FBXL17: variants seen among roughly 807,000 people sequenced by gnomAD.
FBXL17 encodes F-box and leucine rich repeat protein 17.
Under a neutral mutation model 66.2 loss-of-function variants are expected in FBXL17, and 22 were observed. The observed-to-expected ratio is 0.33, with a 90% CI of 0.24 to 0.47. The LOEUF (loss-of-function observed/expected upper bound fraction) is 0.47. Among genes scored for constraint, FBXL17 ranks in the 20% least tolerant of loss-of-function variants. The pLI is 1.00. For synonymous variants in FBXL17, 474 were observed against 400.5 expected (o/e 1.18, Z -2.19); for missense variants, 878 against 948.2 (o/e 0.93, Z 0.97).
At chr5:108,081,537 C>A (rs1290822167) in intron 6 of FBXL17, among the ~76,000 whole-genome samples, 1 of 151,832 alleles carries the variant, frequency 6.6e-6, no homozygotes, top group Admixed American at 6.6e-5. Flanking sequence ...CTGGCTAACA[C>A]GGTGAAACCC....
At chr5:108,043,496 A>G (rs561039757) in intron 6 of FBXL17, among the ~76,000 whole-genome samples, 1 of 152,222 alleles carries the variant, frequency 6.6e-6, no homozygotes, top group South Asian at 2.1e-4. Flanking sequence ...TCTTTTCTTC[A>G]TTGAATTGCA....
intron 7 of FBXL17, among the ~76,000 whole-genome samples, chr5:107,957,235 T>C (rs1751697927): frequency 1.3e-5 from 2 of 152,124 alleles, no homozygotes; most frequent in African/African-American, 4.8e-5. Flanking sequence ...GTGAGGATAA[T>C]AGGGACAGAG....
intron 6 of FBXL17, among the ~76,000 whole-genome samples, chr5:108,064,769 C>CT (rs1305168170): frequency 6.6e-6 from 1 of 152,144 alleles, no homozygotes; most frequent in Non-Finnish European, 1.5e-5. Flanking sequence ...AGAGTTAGAA[C>CT]TAAAGGGCTT....
chr5:107,870,895 G>A (rs1411174055), intron 8 of FBXL17, among the ~76,000 whole-genome samples: 1 of 151,854 alleles, frequency 6.6e-6, no homozygotes, highest in Non-Finnish European at 1.5e-5. Flanking sequence ...AAGAAGAAAA[G>A]TTGACTATGT....
intron 6 of FBXL17, among the ~76,000 whole-genome samples, chr5:108,178,173 T>C (rs909856489): frequency 4.6e-5 from 7 of 151,956 alleles, no homozygotes; most frequent in Non-Finnish European, 8.8e-5. Context: ...GCCTCCTCAG[T>C]AGCTGGGTCA....
intron 7 of FBXL17, among the ~76,000 whole-genome samples, chr5:108,006,603 A>C (rs540472187): frequency 1.1e-4 from 17 of 152,246 alleles, no homozygotes; most frequent in Non-Finnish European, 2.1e-4. Context: ...TAGCCAGTGC[A>C]GGGATATGAT....
At chr5:108,364,443 C>G (rs1748535234) in intron 3 of FBXL17, among the ~76,000 whole-genome samples, 1 of 151,916 alleles carries the variant, frequency 6.6e-6, no homozygotes, top group South Asian at 2.1e-4. Flanking sequence ...CTGACCAAAA[C>G]TACGCAGTTG....
rs908542204 is a variant in FBXL17 at position 108,321,523 on chromosome 5, A to G, written c.1506+26876T>C. 2.0e-5 allele frequency among the ~76,000 whole-genome samples: 3 copies of G among 151,930 alleles called. No individual in the cohort carries two copies. In the East Asian group the frequency reaches 5.8e-4, roughly 29 times the overall value. On this transcript the variant is annotated intron_variant, in intron 4 of 8. Transcript: ENST00000542267. Reference sequence around the variant, plus strand: ...GGCATAGAATGCTATTCTCTTAAAGAATCTGCACACTATTGTCCTGAACAT... The same window carrying G: ...GGCATAGAATGCTATTCTCTTAAAGGATCTGCACACTATTGTCCTGAACAT...
At chr5:108,222,320 T>C (rs1754900452) in intron 5 of FBXL17, among the ~76,000 whole-genome samples, 1 of 152,172 alleles carries the variant, frequency 6.6e-6, no homozygotes, top group African/African-American at 2.4e-5. Context: ...GCACAATCTG[T>C]TCAACCAAAG....
Position 107,943,033 on chromosome 5 carries a change from C to T in FBXL17, c.1823-61854G>A, listed in dbSNP as rs184957037. On this transcript the variant is annotated intron_variant, in intron 7 of 8. Coordinates refer to ENST00000542267, the MANE Select transcript of FBXL17 (RefSeq NM_001163315.3). ...GTTCATCCCTCCTTTGTGGAATGCT[C>T]CTTGCCCTGCCTCTCTGGGTATTTG... Among the ~76,000 whole-genome samples the T allele has an allele frequency of 2.4e-3, 372 of 152,276 alleles. 1 individual carries two copies. Among genetic ancestry groups the T allele is most frequent in the Admixed American group, 5.8e-3 (89 of 15,292 alleles).
intron 7 of FBXL17, among the ~76,000 whole-genome samples, chr5:107,911,307 A>C (rs958015649): frequency 6.6e-6 from 1 of 152,140 alleles, no homozygotes; most frequent in Admixed American, 6.6e-5. Context: ...ATGTAGAGAA[A>C]ATTCATGTTT....
At chr5:108,128,664 C>T (rs1023804591) in intron 6 of FBXL17, among the ~76,000 whole-genome samples, 3 of 151,970 alleles carry the variant, frequency 2.0e-5, no homozygotes, top group South Asian at 2.1e-4. Context: ...CAAGAGTCTA[C>T]AAAACACAGT....
In FBXL17 at chr5:107,957,435, T is replaced by A. The variant is rs562896721; in HGVS notation, c.1822+63490A>T. Reference sequence around the variant, plus strand: ...GGTCTAATTATAAAAAAAAAATCACTCACAAGAAGAGAAGCTTTAATTCTT... The same window carrying A: ...GGTCTAATTATAAAAAAAAAATCACACACAAGAAGAGAAGCTTTAATTCTT... On this transcript the variant is annotated intron_variant, in intron 7 of 8. Transcript: ENST00000542267. Among the ~76,000 whole-genome samples the A allele has an allele frequency of 1.9e-4, 29 of 152,174 alleles. No individual in the cohort carries two copies. In the East Asian group the frequency reaches 5.6e-3, roughly 29 times the overall value.
intron 4 of FBXL17, among the ~76,000 whole-genome samples, chr5:108,345,876 T>C (rs1747246035): frequency 6.6e-6 from 1 of 152,150 alleles, no homozygotes; most frequent in African/African-American, 2.4e-5. Context: ...ATGATTATTT[T>C]TAGACTCTGC....
intron 7 of FBXL17, among the ~76,000 whole-genome samples, chr5:107,894,032 A>C (rs575432305): frequency 2.0e-4 from 31 of 152,302 alleles, no homozygotes; most frequent in South Asian, 8.3e-4. Flanking sequence ...TAAAAAGAGT[A>C]TGTGTGTGGA....
intron 4 of FBXL17, among the ~76,000 whole-genome samples, chr5:108,288,344 G>C (rs1274301179): frequency 6.6e-6 from 1 of 150,822 alleles, no homozygotes; most frequent in Non-Finnish European, 1.5e-5. Flanking sequence ...ATATGACACA[G>C]AGACATGAAA....
At chr5:108,302,231 A>G (rs1351152721) in intron 4 of FBXL17, among the ~76,000 whole-genome samples, 3 of 151,860 alleles carry the variant, frequency 2.0e-5, no homozygotes, top group Non-Finnish European at 4.4e-5. Context: ...AAGTAAATAT[A>G]AAGTCATCAC....
chr5:108,222,648 C>T (rs962805734), intron 5 of FBXL17, among the ~76,000 whole-genome samples: 2 of 147,400 alleles, frequency 1.4e-5, no homozygotes, highest in Non-Finnish European at 3.0e-5. Flanking sequence ...TACTAATTTT[C>T]TAGCAATTTA....
At chr5:107,980,006 G>C (rs1271687942) in intron 7 of FBXL17, among the ~76,000 whole-genome samples, 1 of 151,876 alleles carries the variant, frequency 6.6e-6, no homozygotes, top group Non-Finnish European at 1.5e-5. Flanking sequence ...CTTTTTTGTT[G>C]GTGAAAGAAA....
Sources: allele counts gnomAD v4.1 joint callset (sites outside exome capture counted in the v4.1 genomes callset), GRCh38; gene constraint gnomAD v4.1.1; transcripts MANE v1.5; gene names NCBI Gene and HGNC (gene_info 2026-07-23, HGNC 2026-07-21).